HEATR3: variants seen among roughly 807,000 people sequenced by gnomAD.
HEATR3 encodes the protein HEAT repeat-containing protein 3.
HEATR3 carries 56 observed loss-of-function variants against 72.8 expected under a neutral mutation model. The ratio of observed to expected loss-of-function variants is 0.77; its 90% CI spans 0.62 to 0.96. HEATR3 has a LOEUF of 0.96. HEATR3 is among the 40% of genes least tolerant of loss of function. The probability of loss-of-function intolerance (pLI) is 0.00; values close to 1 mark genes in which losing one functional copy is unlikely to be tolerated. For synonymous variants in HEATR3, 331 were observed against 318.1 expected, an observed-to-expected ratio of 1.04 and a Z score of -0.43; for missense variants, 747 against 831.4, an observed-to-expected ratio of 0.90 and a Z score of 1.25.
At chr16:50,069,070 G>T (rs1290412151) in intron 3 of HEATR3, among the ~76,000 whole-genome samples, 1 of 152,134 alleles carries the variant, frequency 6.6e-6, no homozygotes, top group South Asian at 2.1e-4. Context: ...AGTTGGAAAA[G>T]ACTTTCCTAA....
intron 12 of HEATR3, among the ~76,000 whole-genome samples, chr16:50,096,267 G>A (rs2037233052): frequency 7.2e-6 from 1 of 138,390 alleles, no homozygotes; most frequent in Non-Finnish European, 1.5e-5. Flanking sequence ...GGAAGTTGCA[G>A]TGAGCCAAGA....
Position 50,066,154 on chromosome 16 carries a change from G to C in HEATR3, c.23G>C (p.Arg8Pro). 1 of 1,597,112 alleles carries C rather than the reference G, an allele frequency of 6.3e-7. No individual in the cohort carries two copies. Among genetic ancestry groups the C allele is most frequent in the Admixed American group, 1.7e-5 (1 of 57,728 alleles). MGKSRTK[R>P]FKRPQFSPTG... ...ACCATGGGCAAGAGCCGGACGAAGC[G>C]CTTCAAGCGACCTCAGTTCTCCCCT... Residue 8 changes from arginine (R) to proline (P), a missense_variant, in exon 1 of 15, where the codon CGC becomes CCC. By Grantham distance (103) the Arg-to-Pro change is moderately radical (BLOSUM62 -2). Around this residue, in one of 2 missense-constraint regions of HEATR3, gnomAD observed 161 missense variants for 122.6 expected, o/e 1.31. Coordinates refer to ENST00000299192, the MANE Select transcript of HEATR3 (RefSeq NM_182922.4).
chr16:50,090,241 G>A (rs867169668), intron 11 of HEATR3, among the ~76,000 whole-genome samples: 2 of 152,000 alleles, frequency 1.3e-5, no homozygotes, highest in African/African-American at 4.8e-5. Context: ...TGCGCCTGTG[G>A]TCCCAAGGAA....
intron 6 of HEATR3, among the ~76,000 whole-genome samples, chr16:50,077,125 T>G (rs1309256668): frequency 1.3e-5 from 2 of 152,094 alleles, no homozygotes; most frequent in Non-Finnish European, 2.9e-5. Context: ...CCGCCCGCCT[T>G]GGCCTCCCAA....
chr16:50,100,392 G>C lies in HEATR3; in HGVS notation c.1743+19G>C, dbSNP rs755129945. Reference sequence around the variant, plus strand: ...TCTTAAGGTAAAACAATTTGCTTCTGACCTAACATGTTAAATAATTAGAAA... The same window carrying C: ...TCTTAAGGTAAAACAATTTGCTTCTCACCTAACATGTTAAATAATTAGAAA... On this transcript the variant is annotated intron_variant, in intron 13 of 14. Transcript: ENST00000299192. 9.9e-6 allele frequency: 16 copies of C among 1,610,100 alleles called. No individual in the cohort carries two copies. The highest frequency in any genetic ancestry group is 1.6e-4 in the Middle Eastern group (1 of 6,084).
In HEATR3 at chr16:50,076,973, T is replaced by C. The variant is rs1201092544; in HGVS notation, c.763+1262T>C. ...AGCTCCGCTTCCCAGGTTCACGCCA[T>C]TCTCCTGCCTCAGCCTCCCGAGTAG... On this transcript the variant is annotated intron_variant, in intron 6 of 14. Transcript: ENST00000299192. Among the ~76,000 whole-genome samples, 7 of 150,224 alleles carry C rather than the reference T, an allele frequency of 4.7e-5. No individual in the cohort carries two copies. In the East Asian group the frequency reaches 1.4e-3, roughly 30 times the overall value.
intron 7 of HEATR3, among the ~76,000 whole-genome samples, chr16:50,082,785 TTTTTTC>T (rs1420421509): frequency 2.2e-4 from 34 of 151,840 alleles, no homozygotes; most frequent in African/African-American, 8.0e-4. Context: ...CAGGTAAATT[TTTTTTC>T]TTTTTCTTTT....
At position 50,104,943 on chromosome 16, in the gene HEATR3, G is replaced by A. The variant is rs1288152885; in HGVS notation, c.1925G>A (p.Arg642His). 1.3e-5 allele frequency: 21 copies of A among 1,579,550 alleles called. No individual in the cohort carries two copies. Among genetic ancestry groups the A allele is most frequent in the Non-Finnish European group, 1.6e-5 (19 of 1,169,602 alleles). The part of the protein sequence containing the change: ...EFQPVFKMKI[R>H]KEGRGNYSTD... ...TTTTTTGTTTTTTGTTTGCAGATAC[G>A]TAAAGAAGGGAGAGGTAACTATAGC... Residue 642 changes from arginine to histidine, a missense_variant, in exon 15 of 15, where the codon CGT becomes CAT. Arg to His is a conservative substitution (Grantham distance 29). Coordinates refer to ENST00000299192, the MANE Select transcript of HEATR3 (RefSeq NM_182922.4).
At position 50,066,053 on chromosome 16, in the gene HEATR3, C is replaced by T. The variant is rs904471965; in HGVS notation, c.-79C>T. On this transcript the variant is annotated 5_prime_UTR_variant, in exon 1 of 15. Coordinates refer to ENST00000299192, the MANE Select transcript of HEATR3 (RefSeq NM_182922.4). The stretch of plus-strand genomic sequence containing the variant: ...GCCCAGCTGAGCAGCAGCAACGGAC[C>T]TTGTTAACGGCGCGGCAGCCTCCAC... 26 of 1,486,522 alleles carry T rather than the reference C, an allele frequency of 1.7e-5. No individual in the cohort carries two copies. Among genetic ancestry groups the T allele is most frequent in the African/African-American group, 4.3e-5 (3 of 70,146 alleles). 92.1% of individuals were successfully genotyped at this position (1,486,522 alleles called of 1,614,324 possible). A position where few individuals can be genotyped will look rare whatever the true frequency, so the allele number is the denominator to read the frequency against.
Position 50,106,082 on chromosome 16 carries a change from A to G in HEATR3, c.*1021A>G, listed in dbSNP as rs1340343581. Reference sequence around the variant, plus strand: ...TTTGCAAAGAAAGAAAATCCAAAGCATTGCTTGGATGTTCTTTTAAGGCAT... The same window carrying G: ...TTTGCAAAGAAAGAAAATCCAAAGCGTTGCTTGGATGTTCTTTTAAGGCAT... On this transcript the variant is annotated 3_prime_UTR_variant, in exon 15 of 15. Transcript: ENST00000299192. 6.6e-6 allele frequency: 1 copy of G among 152,196 alleles called. No individual in the cohort carries two copies. The highest frequency in any genetic ancestry group is 2.4e-5 in the African/African-American group (1 of 41,458). The allele number at this position is 152,196 out of a possible 1,614,324, so 9.4% of individuals were successfully genotyped here. A position where few individuals can be genotyped will look rare whatever the true frequency, so the allele number is the denominator to read the frequency against.
At chr16:50,089,276 A>G (rs2037055713) in intron 11 of HEATR3, among the ~76,000 whole-genome samples, 1 of 151,812 alleles carries the variant, frequency 6.6e-6, no homozygotes, top group Non-Finnish European at 1.5e-5. Context: ...GCTTTTGTGT[A>G]TCCTGAGGGT....
At chr16:50,104,223 G>A (rs748930572) in intron 14 of HEATR3, among the ~76,000 whole-genome samples, 11 of 152,008 alleles carry the variant, frequency 7.2e-5, no homozygotes, top group Admixed American at 1.3e-4. Flanking sequence ...ATGGTAGTGC[G>A]CTGCTTGTAG....
At chr16:50,066,669 G>A (rs759147288) in intron 2 of HEATR3, 130 bp downstream of exon 2, 35 of 869,964 alleles carry the variant, frequency 4.0e-5, no homozygotes, top group African/African-American at 5.3e-5. Flanking sequence ...CGTTTGCAGA[G>A]ATTTGAAGCC....
chr16:50,099,179 G>A (rs1392584651), intron 12 of HEATR3, among the ~76,000 whole-genome samples: 2 of 152,126 alleles, frequency 1.3e-5, no homozygotes, highest in African/African-American at 4.8e-5. Context: ...AGCCTGCCAT[G>A]TGGCTGTTGG....
At chr16:50,083,789 TTCA>T in intron 7 of HEATR3, 145 bp from the exon 8 acceptor site, 1 of 642,616 alleles carries the variant, frequency 1.6e-6, no homozygotes, top group South Asian at 2.0e-5. Context: ...CTTCTGGCAC[TTCA>T]TGACTTTTCT....
chr16:50,095,694 A>G (rs2037219984), intron 12 of HEATR3, among the ~76,000 whole-genome samples: 1 of 152,034 alleles, frequency 6.6e-6, no homozygotes, highest in African/African-American at 2.4e-5. Flanking sequence ...TGTCCAAAGC[A>G]GAGATAACCC....
chr16:50,084,748 GA>G (rs2036951080), intron 10 of HEATR3, 97 bp downstream of exon 10: 6 of 863,128 alleles, frequency 7.0e-6, no homozygotes, highest in Non-Finnish European at 9.0e-6. Flanking sequence ...CTAGGACCCA[GA>G]AGTTTTGTTC....
At chr16:50,076,161 T>G (rs1367564494) in intron 6 of HEATR3, among the ~76,000 whole-genome samples, 1 of 148,436 alleles carries the variant, frequency 6.7e-6, no homozygotes, top group Non-Finnish European at 1.5e-5. Context: ...CAGAGATAAT[T>G]TATGTTGAGA....
chr16:50,080,723 G>A (rs368800487), intron 7 of HEATR3, among the ~76,000 whole-genome samples: 1 of 152,094 alleles, frequency 6.6e-6, no homozygotes, highest in African/African-American at 2.4e-5. Context: ...TTCCCACCTC[G>A]GCCTCTCAAA....
Sources: gnomAD v4.1 joint callset for allele counts (sites outside exome capture counted in the v4.1 genomes callset) on GRCh38, gnomAD v4.1.1 for gene constraint, gnomAD v4.1.1 regional missense constraint, MANE v1.5 for transcripts, NCBI Gene and HGNC (gene_info 2026-07-23, HGNC 2026-07-21) for gene names.